Variants in TENM3 observed in about 807,000 individuals in gnomAD.
TENM3 encodes the protein teneurin transmembrane protein 3.
Under a neutral mutation model 255.1 loss-of-function variants are expected in TENM3, and 63 were observed. The observed-to-expected ratio is 0.25, with a 90% CI of 0.20 to 0.30. TENM3 has a LOEUF of 0.30. Ranked by LOEUF, TENM3 falls within the 10% of genes least tolerant of loss-of-function variation. The pLI is 1.00. For synonymous variants in TENM3, 1,306 were observed against 1,322.3 expected (o/e 0.99, Z 0.27); for missense variants, 2,929 against 3,461.1 (o/e 0.85, Z 3.86).
At chr4:182,493,059 TAGAA>T (rs1013693269) in intron 3 of TENM3, among the ~76,000 whole-genome samples, 5 of 152,194 alleles carry the variant, frequency 3.3e-5, no homozygotes, top group African/African-American at 9.6e-5. Context: ...AATTAGTTCT[TAGAA>T]GGAAAGAAAA....
At chr4:182,607,367 T>C (rs879832079) in intron 4 of TENM3, among the ~76,000 whole-genome samples, 3 of 152,218 alleles carry the variant, frequency 2.0e-5, no homozygotes, top group Non-Finnish European at 2.9e-5. Flanking sequence ...TTTCTCACTC[T>C]TCCCGTCGCT....
intron 3 of TENM3, among the ~76,000 whole-genome samples, chr4:182,446,242 T>C (rs1028778762): frequency 6.6e-6 from 1 of 152,234 alleles, no homozygotes; most frequent in Non-Finnish European, 1.5e-5. Flanking sequence ...TGGAAATACA[T>C]AATTAGTTTT....
intron 3 of TENM3, among the ~76,000 whole-genome samples, chr4:182,544,319 G>T (rs1034073140): frequency 7.2e-5 from 9 of 125,220 alleles, no homozygotes; most frequent in Admixed American, 1.7e-4. Context: ...GCACAGCATT[G>T]TGGATTTTTT....
the TENM3 span, among the ~76,000 whole-genome samples, chr4:181,916,270 CCTTT>C: frequency 6.6e-6 from 1 of 152,136 alleles, no homozygotes; most frequent in Non-Finnish European, 1.5e-5. Context: ...GGCAAACTGT[CCTTT>C]CTAACATCGA....
rs577642003 is a variant in TENM3 at position 182,642,981 on chromosome 4, C to T, written c.989-10790C>T. Among the ~76,000 whole-genome samples, 3 of 152,232 alleles carry T rather than the reference C, an allele frequency of 2.0e-5. No individual in the cohort carries two copies. The East Asian group carries it at 5.8e-4, about 29-fold the overall frequency. ...TATTGCCCAACACATTCTGTCAACA[C>T]GTATATGAACACAGCAGGAAATCCA... On this transcript the variant is annotated intron_variant, in intron 5 of 27. Coordinates refer to ENST00000511685, the MANE Select transcript of TENM3 (RefSeq NM_001080477.4).
chr4:181,843,911 G>A, the TENM3 span, among the ~76,000 whole-genome samples: 2 of 151,854 alleles, frequency 1.3e-5, no homozygotes, highest in African/African-American at 2.4e-5. Flanking sequence ...GTAGAGACAC[G>A]GTTTCACCAT....
intron 3 of TENM3, among the ~76,000 whole-genome samples, chr4:182,544,761 T>C (rs946011055): frequency 6.6e-6 from 1 of 152,194 alleles, no homozygotes; most frequent in Non-Finnish European, 1.5e-5. Flanking sequence ...AACCTATGCG[T>C]TGGCTTGATG....
chr4:182,042,814 T>C, the TENM3 span, among the ~76,000 whole-genome samples: 1 of 152,210 alleles, frequency 6.6e-6, no homozygotes, highest in South Asian at 2.1e-4. Flanking sequence ...TTGTCACTGG[T>C]ACTATTTTGT....
At chr4:182,678,649 T>A (rs370776471) in intron 7 of TENM3, among the ~76,000 whole-genome samples, 2 of 152,170 alleles carry the variant, frequency 1.3e-5, no homozygotes, top group Non-Finnish European at 2.9e-5. Context: ...AAGATTCAGA[T>A]TCCTTCACCT....
intron 10 of TENM3, among the ~76,000 whole-genome samples, chr4:182,681,004 T>A (rs1187518138): frequency 2.0e-5 from 3 of 152,178 alleles, no homozygotes; most frequent in Non-Finnish European, 4.4e-5. Flanking sequence ...GCCTTGAAAC[T>A]AACAGCGGAC....
chr4:181,744,834 G>A, the TENM3 span, among the ~76,000 whole-genome samples: 13 of 152,196 alleles, frequency 8.5e-5, no homozygotes, highest in Non-Finnish European at 8.8e-5. Context: ...CAACTAGAAG[G>A]ATGGAGTTAT....
At chr4:181,673,218 C>T in the TENM3 span, among the ~76,000 whole-genome samples, 1 of 144,130 alleles carries the variant, frequency 6.9e-6, no homozygotes, top group Non-Finnish European at 1.5e-5. Context: ...AAAGTCTGTT[C>T]TCAGTAGTGT....
At chr4:182,148,910 A>G (rs41478351) in intron 1 of TENM3, among the ~76,000 whole-genome samples, 15,080 of 151,994 alleles carry the variant, frequency 0.099, 957 homozygotes, top group Middle Eastern at 0.19. Flanking sequence ...CAAATAAAAG[A>G]TTAGGAGCAC....
At chr4:181,886,770 T>C in the TENM3 span, among the ~76,000 whole-genome samples, 1 of 152,248 alleles carries the variant, frequency 6.6e-6, no homozygotes, top group African/African-American at 2.4e-5. Context: ...ACATTGTTAC[T>C]GGTTTAATTT....
At chr4:181,470,108 T>TAAAAAAAAAAAAAAAAAAA in the TENM3 span, among the ~76,000 whole-genome samples, 49 of 112,724 alleles carry the variant, frequency 4.3e-4, no homozygotes, top group African/African-American at 1.2e-3. Context: ...ATAGCTTCTG[T>TAAAAAAAAAAAAAAAAAAA]AAAAAAAAAA....
chr4:181,818,440 C>T, the TENM3 span, among the ~76,000 whole-genome samples: 1 of 152,050 alleles, frequency 6.6e-6, no homozygotes, highest in Non-Finnish European at 1.5e-5. Flanking sequence ...GACGGCCCGC[C>T]CTATAGATTG....
the TENM3 span, among the ~76,000 whole-genome samples, chr4:181,901,178 T>C: frequency 2.6e-5 from 4 of 152,076 alleles, no homozygotes; most frequent in African/African-American, 9.7e-5. Flanking sequence ...ATTCTACCTC[T>C]GTACCAAAAA....
chr4:182,410,146 A>G (rs1210217671), intron 3 of TENM3, among the ~76,000 whole-genome samples: 2 of 152,194 alleles, frequency 1.3e-5, no homozygotes, highest in African/African-American at 4.8e-5. Context: ...TATAATTTTC[A>G]GTGTGCAGGG....
At chr4:182,547,238 T>A (rs1428594345) in intron 3 of TENM3, among the ~76,000 whole-genome samples, 1 of 152,152 alleles carries the variant, frequency 6.6e-6, no homozygotes, top group Non-Finnish European at 1.5e-5. Flanking sequence ...TAATTTTAGA[T>A]CTTCTTAGGT....
Sources: allele counts gnomAD v4.1 joint callset (sites outside exome capture counted in the v4.1 genomes callset), GRCh38; gene constraint gnomAD v4.1.1; transcripts MANE v1.5; gene names NCBI Gene and HGNC (gene_info 2026-07-23, HGNC 2026-07-21).